Variants in CCT7 observed in about 807,000 individuals in gnomAD.
CCT7 encodes the protein chaperonin containing TCP1 subunit 7.
Under a neutral mutation model 56.6 loss-of-function variants are expected in CCT7, and 16 were observed. That is an observed-to-expected ratio of 0.28 (90% CI 0.19 to 0.43). The LOEUF is 0.43. CCT7 is among the 20% of genes least tolerant of loss of function. CCT7 has a pLI of 1.00. For missense variants in CCT7, 519 were observed against 685.6 expected (o/e 0.76, Z 2.71); for synonymous variants, 262 against 254.8 (o/e 1.03, Z -0.27).
At chr2:73,239,829 AG>A (rs775824871) in intron 2 of CCT7, 33 bp downstream of exon 2, 22 of 1,605,140 alleles carry the variant, frequency 1.4e-5, no homozygotes, top group Non-Finnish European at 1.5e-5. Context: ...GCCTGTGTGC[AG>A]GAAAGGAGGC....
intron 1 of CCT7, chr2:73,239,400 T>G (rs1255647373): frequency 9.0e-6 from 4 of 443,354 alleles, no homozygotes; most frequent in Non-Finnish European, 1.6e-5. Context: ...TCTTTTAGAT[T>G]AGGTCAGTGC....
chr2:73,250,082 C>G (rs1687507449), intron 9 of CCT7, among the ~76,000 whole-genome samples, 166 bp downstream of exon 9: 1 of 152,206 alleles, frequency 6.6e-6, no homozygotes, highest in Admixed American at 6.5e-5. Context: ...AGATAATATA[C>G]AGGATTACAG....
At chr2:73,242,355 C>T (rs75234901) in intron 3 of CCT7, among the ~76,000 whole-genome samples, 2 of 152,222 alleles carry the variant, frequency 1.3e-5, no homozygotes, top group African/African-American at 4.8e-5. Flanking sequence ...TCTTGGCTCA[C>T]TGCAACCTCT....
chr2:73,239,533 G>T, intron 1 of CCT7, 110 bp from the exon 2 acceptor site: 1 of 956,228 alleles, frequency 1.0e-6, no homozygotes. Flanking sequence ...GGTTTAAGAA[G>T]ACCTCTAGAT....
At chr2:73,240,011 T>C (rs770632071) in intron 2 of CCT7, 4 of 491,974 alleles carry the variant, frequency 8.1e-6, no homozygotes, top group East Asian at 3.3e-5. Context: ...TGTTGCCTCA[T>C]AGGGAGACGT....
chr2:73,235,112 G>C (rs1480757011), intron 1 of CCT7, among the ~76,000 whole-genome samples: 1 of 152,140 alleles, frequency 6.6e-6, no homozygotes, highest in African/African-American at 2.4e-5. Flanking sequence ...TTTTCTAGTT[G>C]GCTACCTAAC....
chr2:73,237,794 G>A (rs1302812043), intron 1 of CCT7: 1 of 152,226 alleles, frequency 6.6e-6, no homozygotes, highest in African/African-American at 2.4e-5. Flanking sequence ...CTGGCATGGT[G>A]CCTCATGCCT....
chr2:73,250,937 A>C (rs143264594), intron 10 of CCT7, among the ~76,000 whole-genome samples: 70 of 151,968 alleles, frequency 4.6e-4, no homozygotes, highest in African/African-American at 1.7e-3. Flanking sequence ...AAGCAGAAGA[A>C]AAAGACTTCG....
chr2:73,252,956 G>A lies in CCT7; in HGVS notation c.*95G>A, dbSNP rs1558572677. The A allele has an allele frequency of 6.3e-6, 5 of 793,390 alleles. No individual in the cohort carries two copies. The highest frequency in any genetic ancestry group is 6.1e-6 in the Non-Finnish European group (3 of 490,998). The allele number at this position is 793,390 out of a possible 1,614,324, so 49.1% of individuals were successfully genotyped here. A position where few individuals can be genotyped will look rare whatever the true frequency, so the allele number is the denominator to read the frequency against. On this transcript the variant is annotated 3_prime_UTR_variant, in exon 12 of 12. Transcript: ENST00000258091. ...ATTTTACAAGGAAGGGGTAGTAATT[G>A]GCCCACTCTCTTCTTACTGGAGGCT...
Position 73,249,087 on chromosome 2 carries a change from C to G in CCT7, c.880C>G (p.Pro294Ala). The change falls in exon 8 of 12, where the codon CCC becomes GCC. Residue 294 changes from proline (P) to alanine (A), a missense_variant. Physicochemically the swap from Pro to Ala is conservative, Grantham distance 27. Around this residue, in one of 3 missense-constraint regions of CCT7, gnomAD observed 276 missense variants for 357.3 expected, o/e 0.77. Coordinates refer to ENST00000258091, the MANE Select transcript of CCT7 (RefSeq NM_006429.4). ...SGAKVVLSKL[P>A]IGDVATQYFA... The stretch of plus-strand genomic sequence containing the variant: ...AGCCAAAGTTGTCTTGTCCAAACTC[C>G]CCATTGGGGATGTGGCCACCCAGTA... 1 of 1,614,152 alleles carries G rather than the reference C, an allele frequency of 6.2e-7. No homozygotes were observed. Among genetic ancestry groups the G allele is most frequent in the Admixed American group, 1.7e-5 (1 of 60,030 alleles).
chr2:73,244,492 A>G, intron 5 of CCT7, 52 bp from the exon 6 acceptor site: 1 of 1,499,322 alleles, frequency 6.7e-7, no homozygotes, highest in Non-Finnish European at 9.1e-7. Context: ...AGAATCAGAT[A>G]AGAGGGATTT....
intron 5 of CCT7, 162 bp from the exon 6 acceptor site, chr2:73,244,382 G>A (rs2103786066): frequency 1.6e-6 from 1 of 630,422 alleles, no homozygotes; most frequent in Admixed American, 3.0e-5. Context: ...TTTGACTGCA[G>A]TCACCATCTG....
At chr2:73,246,076 C>T (rs958681898) in intron 6 of CCT7, among the ~76,000 whole-genome samples, 4 of 152,202 alleles carry the variant, frequency 2.6e-5, no homozygotes, top group African/African-American at 9.6e-5. Context: ...CTCTAAGCCA[C>T]ACTTGCGTTT....
chr2:73,243,155 C>G (rs1343433196), intron 4 of CCT7, 26 bp downstream of exon 4: 1 of 1,609,654 alleles, frequency 6.2e-7, no homozygotes. Flanking sequence ...TTAACCTTCT[C>G]TTGGGCCTGG....
chr2:73,252,747 C>T lies in CCT7; in HGVS notation c.1518C>T (p.Ala506=). ...TGCGGATCAATGCGCTGACAGCAGC[C>T]TCTGAGGCTGCGTGCCTGATCGTGT... ...AMVRINALTA[A]SEAACLIVSV... Residue 506 remains alanine, a synonymous_variant, in exon 12 of 12, where the codon GCC becomes GCT. Coordinates refer to ENST00000258091, the MANE Select transcript of CCT7 (RefSeq NM_006429.4). 6.2e-7 allele frequency: 1 copy of T among 1,614,148 alleles called. No homozygotes were observed.
chr2:73,245,951 A>C (rs1687314486), intron 6 of CCT7, among the ~76,000 whole-genome samples: 1 of 152,108 alleles, frequency 6.6e-6, no homozygotes. Flanking sequence ...TCCTACTTCC[A>C]TAAATGGTTG....
At chr2:73,252,111 A>C (rs1687618107) in intron 11 of CCT7, among the ~76,000 whole-genome samples, 1 of 151,886 alleles carries the variant, frequency 6.6e-6, no homozygotes, top group Non-Finnish European at 1.5e-5. Context: ...CTGAGAGTTT[A>C]ATTTCTCCAT....
In CCT7 at chr2:73,244,698, C is replaced by T; in HGVS notation, c.601C>T (p.Gln201Ter). ...QLKMIGIKKV[Q>*]GGALEDSQLV... is the part of the protein sequence containing the mutation. ...TAAAATGATTGGAATCAAGAAGGTACAGGGTGGAGCCCTCGAGGTAAGCCT... is the reference window on the plus strand; with the variant it reads ...TAAAATGATTGGAATCAAGAAGGTATAGGGTGGAGCCCTCGAGGTAAGCCT... The change falls in exon 6 of 12, where the codon CAG (glutamine) becomes TAG (stop). Residue 201 changes from glutamine to a stop codon, truncating the protein, a stop_gained. Transcript: ENST00000258091. LOFTEE classifies it high-confidence loss of function. 1.2e-6 allele frequency: 2 copies of T among 1,612,226 alleles called. No homozygotes were observed. Among genetic ancestry groups the T allele is most frequent in the Non-Finnish European group, 1.7e-6 (2 of 1,178,730 alleles).
Position 73,240,547 on chromosome 2 carries a change from G to A in CCT7, c.267+4G>A, listed in dbSNP as rs1159720261. 1.3e-6 allele frequency: 2 copies of A among 1,568,002 alleles called. No individual in the cohort carries two copies. Among genetic ancestry groups the A allele is most frequent in the Non-Finnish European group, 1.7e-6 (2 of 1,152,456 alleles). On this transcript the variant is annotated splice_donor_region_variant and intron_variant, in intron 3 of 11. Coordinates refer to ENST00000258091, the MANE Select transcript of CCT7 (RefSeq NM_006429.4). ...TGCCAAATCCCAAGATGCTGAGGTAGGAAAATAGTTGTGTGTTTAAATGGA... is the reference window on the plus strand; with the variant it reads ...TGCCAAATCCCAAGATGCTGAGGTAAGAAAATAGTTGTGTGTTTAAATGGA...
Sources: allele counts gnomAD v4.1 joint callset (sites outside exome capture counted in the v4.1 genomes callset), GRCh38; gene constraint gnomAD v4.1.1; regional missense constraint gnomAD v4.1.1; transcripts MANE v1.5; gene names NCBI Gene and HGNC (gene_info 2026-07-23, HGNC 2026-07-21).